The following RPH3A variants were observed in gnomAD, a reference collection of about 807,000 sequenced individuals.
The protein encoded by RPH3A is rabphilin 3A, also known as rabphilin-3A.
RPH3A carries 48 observed loss-of-function variants against 102.2 expected under a neutral mutation model. The observed-to-expected ratio is 0.47, with a 90% confidence interval of 0.37 to 0.60. The LOEUF (loss-of-function observed/expected upper bound fraction) is 0.60, where lower values mean the gene tolerates loss of function less well. RPH3A is among the 20% of genes least tolerant of loss of function. The pLI is 0.00. For synonymous variants in RPH3A, 310 were observed against 324.3 expected, an observed-to-expected ratio of 0.96 and a Z score of 0.47; for missense variants, 781 against 910.1, an observed-to-expected ratio of 0.86 and a Z score of 1.83.
At chr12:112,690,194 C>T (rs190028950) in intron 1 of RPH3A, among the ~76,000 whole-genome samples, 7 of 152,272 alleles carry the variant, frequency 4.6e-5, no homozygotes, top group Admixed American at 4.6e-4. Context: ...CATAAAACAT[C>T]ATAATCTTAC....
intron 1 of RPH3A, among the ~76,000 whole-genome samples, chr12:112,744,018 G>C (rs1012237116): frequency 6.6e-6 from 1 of 152,140 alleles, no homozygotes; most frequent in Non-Finnish European, 1.5e-5. Flanking sequence ...ATTTTGGTGA[G>C]TCATACTGAA....
intron 1 of RPH3A, among the ~76,000 whole-genome samples, chr12:112,576,598 C>T (rs183927709): frequency 2.8e-4 from 43 of 152,312 alleles, no homozygotes; most frequent in Admixed American, 2.0e-4. Flanking sequence ...TCGGGTTATC[C>T]GCCTGCCTTG....
rs193139836 is a variant in RPH3A at position 112,836,466 on chromosome 12, C to T, written c.72-25C>T. 69 of 1,315,200 alleles carry T rather than the reference C, an allele frequency of 5.2e-5. No individual in the cohort carries two copies. In the African/African-American group the frequency reaches 8.3e-4, roughly 16 times the overall value. The allele number at this position is 1,315,200 out of a possible 1,614,324, so 81.5% of individuals were successfully genotyped here. On this transcript the variant is annotated intron_variant, in intron 3 of 21. Transcript: ENST00000389385. ...ACCTAACTTTATTCATTTTTTCTTT[C>T]TCTCCTTTCTCTGCCTTCCTTCAGT...
intron 1 of RPH3A, among the ~76,000 whole-genome samples, chr12:112,769,293 G>C (rs2040912631): frequency 6.6e-6 from 1 of 152,142 alleles, no homozygotes; most frequent in Non-Finnish European, 1.5e-5. Context: ...GCTGGTTTTA[G>C]AGGCAAACGT....
chr12:112,756,085 T>G (rs577758301), intron 1 of RPH3A, among the ~76,000 whole-genome samples: 4 of 152,270 alleles, frequency 2.6e-5, no homozygotes, highest in Non-Finnish European at 5.9e-5. Flanking sequence ...CTCAAATAAC[T>G]AAAAGAGAGG....
At chr12:112,707,505 A>G (rs2040434007) in intron 1 of RPH3A, among the ~76,000 whole-genome samples, 1 of 152,246 alleles carries the variant, frequency 6.6e-6, no homozygotes. Flanking sequence ...ATTTAAACCC[A>G]GATCAGTCTG....
At chr12:112,667,662 AAGAGAGAG>A (rs71086114) in intron 1 of RPH3A, among the ~76,000 whole-genome samples, 7,428 of 72,662 alleles carry the variant, frequency 0.1, 572 homozygotes, top group East Asian at 0.17. Flanking sequence ...GAGATGAATA[AAGAGAGAG>A]AGAGAGAGAG....
At chr12:112,696,785 C>G (rs1052761422) in intron 1 of RPH3A, among the ~76,000 whole-genome samples, 2 of 152,176 alleles carry the variant, frequency 1.3e-5, no homozygotes, top group Non-Finnish European at 2.9e-5. Context: ...TCTTTTTGGT[C>G]TCCATCATAT....
chr12:112,755,336 C>T (rs1012985344), intron 1 of RPH3A, among the ~76,000 whole-genome samples: 10 of 140,020 alleles, frequency 7.1e-5, no homozygotes, highest in African/African-American at 2.7e-4. Context: ...CACACACACA[C>T]ACATACATAT....
At chr12:112,671,364 G>GT (rs2040128071) in intron 1 of RPH3A, among the ~76,000 whole-genome samples, 1 of 152,154 alleles carries the variant, frequency 6.6e-6, no homozygotes, top group Admixed American at 6.6e-5. Context: ...TCAGCTCGTG[G>GT]CTATCATTTC....
intron 2 of RPH3A, among the ~76,000 whole-genome samples, chr12:112,820,255 A>G (rs2041754400): frequency 6.6e-6 from 1 of 152,218 alleles, no homozygotes; most frequent in Non-Finnish European, 1.5e-5. Flanking sequence ...GAGAGAACGA[A>G]CACTGATGGA....
intron 2 of RPH3A, among the ~76,000 whole-genome samples, chr12:112,799,647 C>T (rs1253270517): frequency 1.3e-5 from 2 of 152,144 alleles, no homozygotes; most frequent in Non-Finnish European, 2.9e-5. Flanking sequence ...CCTCAGAGCT[C>T]AGAGGTCAGT....
intron 1 of RPH3A, among the ~76,000 whole-genome samples, chr12:112,677,907 C>T (rs1365655025): frequency 6.6e-6 from 1 of 151,988 alleles, no homozygotes; most frequent in Non-Finnish European, 1.5e-5. Flanking sequence ...AATACAAGGG[C>T]AGGCCAGGCG....
At chr12:112,779,958 C>A (rs1363095522) in intron 1 of RPH3A, among the ~76,000 whole-genome samples, 1 of 152,106 alleles carries the variant, frequency 6.6e-6, no homozygotes, top group Non-Finnish European at 1.5e-5. Flanking sequence ...AGTGAAGCAG[C>A]CACAAGCCAA....
rs747575457 is a variant in RPH3A at position 112,847,842 on chromosome 12, G to A, written c.230G>A (p.Gly77Glu). 10 of 1,613,930 alleles carry A rather than the reference G, an allele frequency of 6.2e-6. No homozygotes were observed. The highest frequency in any genetic ancestry group is 7.6e-6 in the Non-Finnish European group (9 of 1,179,910). The change falls in exon 5 of 22, where the codon GGA becomes GAA. Residue 77 changes from glycine to glutamate, a missense_variant and splice_region_variant. Gly to Glu is a moderately conservative substitution (Grantham distance 98). Coordinates refer to ENST00000389385, the MANE Select transcript of RPH3A (RefSeq NM_001143854.2). ...KMEEMEQERI[G>E]RLVDRLENMR... is the part of the protein sequence containing the mutation. ...GAAGAGATGGAGCAGGAGCGAATCG[G>A]GTGAGGCTTAACGCTTCCCATTCAC...
At chr12:112,650,636 T>C (rs1368250620) in intron 1 of RPH3A, 1 of 152,178 alleles carries the variant, frequency 6.6e-6, no homozygotes, top group Non-Finnish European at 1.5e-5. Context: ...GTTTTGACTT[T>C]TTTTCCCCAG....
At chr12:112,810,025 A>G (rs1343776023) in intron 2 of RPH3A, among the ~76,000 whole-genome samples, 2 of 152,206 alleles carry the variant, frequency 1.3e-5, no homozygotes, top group African/African-American at 4.8e-5. Flanking sequence ...TCCCTCAATG[A>G]ACAAGAACTA....
intron 1 of RPH3A, among the ~76,000 whole-genome samples, chr12:112,657,817 G>A (rs1344502749): frequency 6.6e-6 from 1 of 152,160 alleles, no homozygotes; most frequent in African/African-American, 2.4e-5. Flanking sequence ...TGAGATGATG[G>A]GTGTTGTGAT....
At chr12:112,726,645 C>A (rs1408566535) in intron 1 of RPH3A, among the ~76,000 whole-genome samples, 3 of 152,210 alleles carry the variant, frequency 2.0e-5, no homozygotes, top group African/African-American at 7.2e-5. Context: ...CCCCTTGTTT[C>A]TCTTATTCCT....
Sources: gnomAD v4.1 joint callset for allele counts (sites outside exome capture counted in the v4.1 genomes callset) on GRCh38, gnomAD v4.1.1 for gene constraint, MANE v1.5 for transcripts, NCBI Gene and HGNC (gene_info 2026-07-23, HGNC 2026-07-21) for gene names.